Variants in MTA3 observed in about 807,000 individuals in gnomAD.
The protein encoded by MTA3 is metastasis-associated protein MTA3.
A neutral mutation model predicts 83.5 loss-of-function variants in MTA3; 34 were observed. The observed-to-expected ratio is 0.41, with a 90% CI of 0.31 to 0.54. The LOEUF is 0.54. Ranked by LOEUF, MTA3 falls within the 20% of genes least tolerant of loss-of-function variation. The pLI, the probability that MTA3 is intolerant of heterozygous loss-of-function variation, is 0.33. For missense variants in MTA3, 761 were observed against 726.4 expected (o/e 1.05, Z -0.55); for synonymous variants, 303 against 252.7 (o/e 1.20, Z -1.89).
At chr2:42,753,324 T>G in intron 16 of MTA3, 50 bp from the exon 17 acceptor site, 1 of 1,550,060 alleles carries the variant, frequency 6.5e-7, no homozygotes, top group African/African-American at 1.4e-5. Context: ...TCATCTTGCC[T>G]CCACCATCGG....
At chr2:42,607,094 G>GGGTAGA (rs142091500) in intron 3 of MTA3, among the ~76,000 whole-genome samples, 4 of 147,680 alleles carry the variant, frequency 2.7e-5, no homozygotes, top group Non-Finnish European at 4.5e-5. Context: ...GTAGGGGTAG[G>GGGTAGA]GGTAGAGGTA....
Position 42,695,626 on chromosome 2 carries a change from G to A in MTA3, c.892-139G>A, listed in dbSNP as rs183766445. 3.0e-4 allele frequency: 142 copies of A among 472,938 alleles called. No individual in the cohort carries two copies. The Admixed American group carries it at 5.4e-3, about 18-fold the overall frequency. 29.3% of individuals were successfully genotyped at this position (472,938 alleles called of 1,614,324 possible). ...CTTCAGCCTGGGCAACAAAGTGACA[G>A]TCTATCTCAAAAAAAAAAAAAAAAA... On this transcript the variant is annotated intron_variant, in intron 9 of 16. Coordinates refer to ENST00000405094, the MANE Select transcript of MTA3 (RefSeq NM_001330442.2).
At chr2:42,662,353 G>A (rs537285477) in intron 8 of MTA3, among the ~76,000 whole-genome samples, 2 of 151,540 alleles carry the variant, frequency 1.3e-5, no homozygotes, top group African/African-American at 4.8e-5. Context: ...TATATTTCTT[G>A]TGTCTTGTTT....
intron 8 of MTA3, among the ~76,000 whole-genome samples, chr2:42,677,465 A>G (rs1691479003): frequency 6.6e-6 from 1 of 151,428 alleles, no homozygotes; most frequent in East Asian, 1.9e-4. Context: ...GCCTCAGCCT[A>G]CTGAGTAGCT....
intron 16 of MTA3, 200 bp downstream of exon 16, chr2:42,723,235 A>G (rs145583208): frequency 3.0e-4 from 179 of 606,486 alleles, no homozygotes; most frequent in African/African-American, 2.9e-3. Flanking sequence ...GGAGGTACTT[A>G]TTTGCTCCCA....
At chr2:42,590,700 A>G (rs1680882662) in intron 3 of MTA3, among the ~76,000 whole-genome samples, 1 of 147,592 alleles carries the variant, frequency 6.8e-6, no homozygotes, top group African/African-American at 2.5e-5. Flanking sequence ...GGCTCACTGC[A>G]ACCTCCGCCT....
rs547085228 is a variant in MTA3, at chr2:42,755,718, C to T, written c.*2319C>T. 12 of 985,556 alleles carry T rather than the reference C, an allele frequency of 1.2e-5. No individual in the cohort carries two copies. The highest frequency in any genetic ancestry group is 2.3e-4 in the East Asian group (2 of 8,818). The allele number at this position is 985,556 out of a possible 1,614,324, so 61.1% of individuals were successfully genotyped here. A position where few individuals can be genotyped will look rare whatever the true frequency, so the allele number is the denominator to read the frequency against. On this transcript the variant is annotated 3_prime_UTR_variant, in exon 17 of 17. Transcript: ENST00000405094. ...GTGCTGAGAGGGTTTCCCAGCCACC[C>T]GCTCCCTTTCTGGGGCCATGGTGTC...
intron 4 of MTA3, among the ~76,000 whole-genome samples, chr2:42,610,754 A>G (rs1684091032): frequency 6.6e-6 from 1 of 152,224 alleles, no homozygotes; most frequent in Admixed American, 6.5e-5. Context: ...AGAGAGTATG[A>G]GGCACAAATA....
At position 42,603,843 on chromosome 2, in the gene MTA3, C is replaced by T. The variant is rs111325410; in HGVS notation, c.191-5615C>T. On this transcript the variant is annotated intron_variant, in intron 3 of 16. Coordinates refer to ENST00000405094, the MANE Select transcript of MTA3 (RefSeq NM_001330442.2). ...ATGGCTCACTGCAAGCCCCGCCTCC[C>T]GGCTTCACGCCATTCTCCTGCCTCA... Among the ~76,000 whole-genome samples the T allele has an allele frequency of 4.6e-3, 697 of 152,278 alleles. 6 individuals are homozygous for T. Among genetic ancestry groups the T allele is most frequent in the African/African-American group, 0.014 (590 of 41,560 alleles).
chr2:42,693,365 G>C (rs1205985880), intron 9 of MTA3, among the ~76,000 whole-genome samples: 1 of 152,208 alleles, frequency 6.6e-6, no homozygotes, highest in African/African-American at 2.4e-5. Context: ...CAGAGATGCT[G>C]TCTGAGAACC....
At chr2:42,686,264 G>C (rs756217034) in intron 9 of MTA3, among the ~76,000 whole-genome samples, 1 of 152,214 alleles carries the variant, frequency 6.6e-6, no homozygotes, top group Non-Finnish European at 1.5e-5. Context: ...TTTATATTTA[G>C]TGGTTAGCGA....
chr2:42,627,686 C>G (rs1327409915), intron 4 of MTA3, among the ~76,000 whole-genome samples: 1 of 151,396 alleles, frequency 6.6e-6, no homozygotes, highest in Non-Finnish European at 1.5e-5. Flanking sequence ...GCCTCAGCCT[C>G]CCAAGTAGCT....
chr2:42,588,610 T>G (rs1235971294), intron 3 of MTA3, among the ~76,000 whole-genome samples: 1 of 152,192 alleles, frequency 6.6e-6, no homozygotes, highest in Non-Finnish European at 1.5e-5. Context: ...CTTTGCATTC[T>G]CATTTTCTGA....
rs973216526 is a variant in MTA3, at chr2:42,682,526, T to C, written c.828T>C (p.Ala276=). 3.7e-6 allele frequency: 6 copies of C among 1,612,830 alleles called. No individual in the cohort carries two copies. Among genetic ancestry groups the C allele is most frequent in the Non-Finnish European group, 5.1e-6 (6 of 1,179,442 alleles). Reference sequence around the variant, plus strand: ...TGGAGGAATGGTCAGCCTCTGAAGCTAGCTTATTTGAAGAGGCACTGGAAA... The same window carrying C: ...TGGAGGAATGGTCAGCCTCTGAAGCCAGCTTATTTGAAGAGGCACTGGAAA... ...DEMEEWSASE[A]SLFEEALEKY... is the part of the protein sequence containing the mutation. The change falls in exon 9 of 17, where the codon GCT becomes GCC. Residue 276 remains alanine (A), a synonymous_variant. Transcript: ENST00000405094.
At position 42,753,997 on chromosome 2, in the gene MTA3, T is replaced by A. The variant is rs920870900; in HGVS notation, c.*598T>A. ...TTGCTGTTTACCCTCTGCATTCCTA[T>A]ATGTGACCCTCCCTCCTACTCCTCC... On this transcript the variant is annotated 3_prime_UTR_variant, in exon 17 of 17. Transcript: ENST00000405094. 2.0e-6 allele frequency: 2 copies of A among 985,566 alleles called. No homozygotes were observed. Among genetic ancestry groups the A allele is most frequent in the African/African-American group, 3.5e-5 (2 of 57,250 alleles). 61.1% of individuals were successfully genotyped at this position (985,566 alleles called of 1,614,324 possible).
intron 3 of MTA3, among the ~76,000 whole-genome samples, chr2:42,595,823 ATAG>A (rs1681727597): frequency 6.6e-6 from 1 of 152,180 alleles, no homozygotes; most frequent in Non-Finnish European, 1.5e-5. Context: ...TTTAACAATA[ATAG>A]TAGGAGCTAA....
At chr2:42,625,760 A>T (rs996950837) in intron 4 of MTA3, among the ~76,000 whole-genome samples, 1 of 150,824 alleles carries the variant, frequency 6.6e-6, no homozygotes, top group Non-Finnish European at 1.5e-5. Flanking sequence ...AAAAAAAAAA[A>T]AAAAAAATTT....
chr2:42,755,010 T>A lies in MTA3; in HGVS notation c.*1611T>A. 1 of 985,598 alleles carries A rather than the reference T, an allele frequency of 1.0e-6. No individual in the cohort carries two copies. Among genetic ancestry groups the A allele is most frequent in the East Asian group, 1.1e-4 (1 of 8,806 alleles). 61.1% of individuals were successfully genotyped at this position (985,598 alleles called of 1,614,324 possible). ...TCTTGGAGCTGTGCTGGGTCTTGGC[T>A]TGGGGCGCTGAGGGTGGGGCCTGTG... On this transcript the variant is annotated 3_prime_UTR_variant, in exon 17 of 17. Transcript: ENST00000405094.
rs1419531324 is a variant in MTA3 at position 42,555,482 on chromosome 2, C to T, written c.-140-14955C>T. Among the ~76,000 whole-genome samples, 14 of 127,098 alleles carry T rather than the reference C, an allele frequency of 1.1e-4. No individual in the cohort carries two copies. The East Asian group carries it at 1.6e-3, about 14-fold the overall frequency. 83.4% of individuals were successfully genotyped at this position (127,098 alleles called of 152,430 possible). A position where few individuals can be genotyped will look rare whatever the true frequency, so the allele number is the denominator to read the frequency against. On this transcript the variant is annotated intron_variant, in intron 2 of 17. Transcript: ENST00000405592. ...AAAAAAAAAAAAAAAAAAAAAGAGC[C>T]GGGCGCAGTGGCTCACACCTGTAAT... is the stretch of plus-strand genomic sequence containing the variant.
Sources: allele counts gnomAD v4.1 joint callset (sites outside exome capture counted in the v4.1 genomes callset), GRCh38; gene constraint gnomAD v4.1.1; transcripts MANE v1.5; gene names NCBI Gene and HGNC (gene_info 2026-07-23, HGNC 2026-07-21).